Variants in PRMT1 observed in about 807,000 individuals in gnomAD.
PRMT1 encodes protein arginine methyltransferase 1.
A neutral mutation model predicts 47.4 loss-of-function variants in PRMT1; 5 were observed. That is an observed-to-expected ratio of 0.11 (90% confidence interval 0.06 to 0.22). The LOEUF is 0.22. Among genes scored for constraint, PRMT1 ranks in the 10% least tolerant of loss-of-function variants. PRMT1 has a pLI of 1.00. For missense variants in PRMT1, 249 were observed against 518.4 expected (o/e 0.48, Z 5.05); for synonymous variants, 227 against 204.6 (o/e 1.11, Z -0.94).
Position 49,685,939 on chromosome 19 carries a change from A to C in PRMT1, c.760-154A>C, listed in dbSNP as rs779335393. 17 of 1,446,226 alleles carry C rather than the reference A, an allele frequency of 1.2e-5. No individual in the cohort carries two copies. The highest frequency in any genetic ancestry group is 5.9e-5 in the South Asian group (4 of 68,288). 89.6% of individuals were successfully genotyped at this position (1,446,226 alleles called of 1,614,324 possible). A position where few individuals can be genotyped will look rare whatever the true frequency, so the allele number is the denominator to read the frequency against. The stretch of plus-strand genomic sequence containing the variant: ...ATTGGGAGCCGGATAGGCAGGATGC[A>C]GAGTGAAGGAGGAGCCGAGGCTGGG... On this transcript the variant is annotated intron_variant, in intron 8 of 10. Coordinates refer to ENST00000454376, the MANE Select transcript of PRMT1 (RefSeq NM_001536.6). The surrounding 1 kb of genome is among the most constrained non-coding windows in gnomAD (Gnocchi z 4.7).
rs1420745257 is a variant in PRMT1, at chr19:49,680,649, T to C, written c.192+61T>C. ...GGGGGCTTAAATGTTGGGGAAGGGG[T>C]GGAACCTGTTTTCCCACGCATGCGC... On this transcript the variant is annotated intron_variant, in intron 3 of 10. Coordinates refer to ENST00000454376, the MANE Select transcript of PRMT1 (RefSeq NM_001536.6). The surrounding 1 kb of genome is among the most constrained non-coding windows in gnomAD (Gnocchi z 4.2). 2 of 1,370,254 alleles carry C rather than the reference T, an allele frequency of 1.5e-6. No individual in the cohort carries two copies. Among genetic ancestry groups the C allele is most frequent in the African/African-American group, 1.4e-5 (1 of 69,932 alleles). The allele number at this position is 1,370,254 out of a possible 1,614,324, so 84.9% of individuals were successfully genotyped here. A position where few individuals can be genotyped will look rare whatever the true frequency, so the allele number is the denominator to read the frequency against.
chr19:49,683,693 A>C (rs2082158727), intron 5 of PRMT1: 3 of 431,964 alleles, frequency 6.9e-6, no homozygotes, highest in Non-Finnish European at 8.4e-6. Flanking sequence ...GTCTCAAAAA[A>C]AAAAAAAAAA....
At chr19:49,683,219 G>A (rs570136127) in intron 5 of PRMT1, among the ~76,000 whole-genome samples, 2 of 151,892 alleles carry the variant, frequency 1.3e-5, no homozygotes, top group Admixed American at 6.6e-5. Context: ...GTGCCATCCT[G>A]AAGTGATTTT....
intron 5 of PRMT1, chr19:49,683,620 G>A (rs868001882): frequency 6.1e-4 from 145 of 235,774 alleles, no homozygotes; most frequent in South Asian, 1.2e-3. Flanking sequence ...CCCGGGAGGC[G>A]GAGGTTGCAG....
chr19:49,683,008 G>A (rs1015582277), intron 5 of PRMT1, among the ~76,000 whole-genome samples: 20 of 151,548 alleles, frequency 1.3e-4, no homozygotes, highest in African/African-American at 4.9e-4. Flanking sequence ...GGATGGTCTC[G>A]ATCTCCTGAC....
chr19:49,686,340 A>G, intron 9 of PRMT1, 97 bp downstream of exon 9: 14 of 1,445,968 alleles, frequency 9.7e-6, no homozygotes, highest in Non-Finnish European at 1.3e-5. Flanking sequence ...AGAAGGAACC[A>G]TGGGGACACG....
rs906061177 is a variant in PRMT1, at chr19:49,684,914, C to T, written c.644-8C>T. 1.2e-6 allele frequency: 2 copies of T among 1,603,256 alleles called. No homozygotes were observed. The highest frequency in any genetic ancestry group is 1.7e-6 in the Non-Finnish European group (2 of 1,172,878). ...GCGGGCTCACCCCCTCCCTGCCTGC[C>T]TCCCCAGGGTGGGAGAACGTGTATG... is the stretch of plus-strand genomic sequence containing the variant. On this transcript the variant is annotated splice_polypyrimidine_tract_variant and splice_region_variant and intron_variant, in intron 7 of 10. Coordinates refer to ENST00000454376, the MANE Select transcript of PRMT1 (RefSeq NM_001536.6). The surrounding 1 kb of genome is among the most constrained non-coding windows in gnomAD (Gnocchi z 6.2).
In PRMT1 at chr19:49,685,971, T is replaced by G; in HGVS notation, c.760-122T>G. 6.7e-7 allele frequency: 1 copy of G among 1,485,712 alleles called. No homozygotes were observed. The highest frequency in any genetic ancestry group is 1.4e-5 in the South Asian group (1 of 72,956). The allele number at this position is 1,485,712 out of a possible 1,614,324, so 92.0% of individuals were successfully genotyped here. A position where few individuals can be genotyped will look rare whatever the true frequency, so the allele number is the denominator to read the frequency against. On this transcript the variant is annotated intron_variant, in intron 8 of 10. Coordinates refer to ENST00000454376, the MANE Select transcript of PRMT1 (RefSeq NM_001536.6). The surrounding 1 kb of genome is among the most constrained non-coding windows in gnomAD (Gnocchi z 4.7). ...AGGAGGAGCCGAGGCTGGGTGCCAG[T>G]GAGGGAGGGCTAGCAGGAAGGGGAC...
chr19:49,683,790 C>A, intron 5 of PRMT1, 137 bp from the exon 6 acceptor site: 1 of 939,498 alleles, frequency 1.1e-6, no homozygotes, highest in Non-Finnish European at 1.6e-6. Flanking sequence ...AATTTTAAAA[C>A]TGTTAGAAGG....
intron 9 of PRMT1, 68 bp from the exon 10 acceptor site, chr19:49,686,535 CAG>C (rs900164178): frequency 2.0e-5 from 28 of 1,405,688 alleles, no homozygotes; most frequent in East Asian, 2.7e-5. Flanking sequence ...GGCATTCCGA[CAG>C]AGGGAACGCA....
Position 49,684,964 on chromosome 19 carries a change from A to T in PRMT1, c.686A>T (p.Asp229Val). The T allele has an allele frequency of 6.2e-7, 1 of 1,604,940 alleles. No individual in the cohort carries two copies. The highest frequency in any genetic ancestry group is 8.5e-7 in the Non-Finnish European group (1 of 1,173,966). Residue 229 changes from aspartate (D) to valine (V), a missense_variant, in exon 8 of 11, where the codon GAT (aspartate) becomes GTT (valine). Around this residue, in one of 2 missense-constraint regions of PRMT1, gnomAD observed 190 missense variants for 456.7 expected, o/e 0.42. Coordinates refer to ENST00000454376, the MANE Select transcript of PRMT1 (RefSeq NM_001536.6). The surrounding 1 kb of genome is among the most constrained non-coding windows in gnomAD (Gnocchi z 6.2). ...GGCTTCGACATGTCTTGCATCAAAG[A>T]TGTGGCCATTAAGGAGCCCCTAGTG... ...VYGFDMSCIK[D>V]VAIKEPLVDV...
chr19:49,676,959 T>G, upstream of PRMT1: 6 of 298,962 alleles, frequency 2.0e-5, no homozygotes, highest in Non-Finnish European at 3.1e-5. Flanking sequence ...GTGCTGGGTG[T>G]AAAGGGGAGG....
chr19:49,683,872 G>T, intron 5 of PRMT1, 55 bp from the exon 6 acceptor site: 1 of 1,578,366 alleles, frequency 6.3e-7, no homozygotes, highest in Non-Finnish European at 8.6e-7. Flanking sequence ...CGGGGGAGGT[G>T]AGGTGAGGGG....
At chr19:49,679,524 A>T in intron 1 of PRMT1, 1 of 577,440 alleles carries the variant, frequency 1.7e-6, no homozygotes, top group Admixed American at 2.2e-5. Context: ...AATCTGGAGG[A>T]GATTAGGTGA....
Position 49,680,915 on chromosome 19 carries a change from G to T in PRMT1, c.192+327G>T, listed in dbSNP as rs1299453732. 1.3e-5 allele frequency among the ~76,000 whole-genome samples: 2 copies of T among 152,194 alleles called. No homozygotes were observed. The highest frequency in any genetic ancestry group is 4.8e-5 in the African/African-American group (2 of 41,470). ...GTGGGACTGCGCCCCGGCTGCTCCC[G>T]CCCTAACAGCTTCTGCACACTTCAG... is the stretch of plus-strand genomic sequence containing the variant. On this transcript the variant is annotated intron_variant, in intron 3 of 10. Transcript: ENST00000454376. This position sits in a 1 kb window ranked among gnomAD's most constrained non-coding sequence, Gnocchi z 4.2.
Position 49,684,882 on chromosome 19 carries a change from G to A in PRMT1, c.644-40G>A. 6.2e-7 allele frequency: 1 copy of A among 1,608,034 alleles called. No individual in the cohort carries two copies. Among genetic ancestry groups the A allele is most frequent in the Non-Finnish European group, 8.5e-7 (1 of 1,176,044 alleles). ...GAGCTGGCGGGCGGGGCCTCGGGTG[G>A]GCTGCTGCGGGCTCACCCCCTCCCT... On this transcript the variant is annotated intron_variant, in intron 7 of 10. Coordinates refer to ENST00000454376, the MANE Select transcript of PRMT1 (RefSeq NM_001536.6). The surrounding 1 kb of genome is among the most constrained non-coding windows in gnomAD (Gnocchi z 6.2).
In PRMT1 at chr19:49,681,942, T is replaced by C; in HGVS notation, c.225T>C (p.Thr75=). The C allele has an allele frequency of 1.2e-6, 2 of 1,614,130 alleles. No individual in the cohort carries two copies. Among genetic ancestry groups the C allele is most frequent in the Non-Finnish European group, 1.7e-6 (2 of 1,180,026 alleles). ...TGAAGGACGAGGTGCGCACCCTCAC[T>C]TACCGCAACTCCATGTTTCATAACC... The part of the protein sequence containing the change: ...EMLKDEVRTL[T]YRNSMFHNRH... Residue 75 remains threonine, a synonymous_variant, in exon 4 of 11, where the codon ACT becomes ACC. Coordinates refer to ENST00000454376, the MANE Select transcript of PRMT1 (RefSeq NM_001536.6). This position sits in a 1 kb window ranked among gnomAD's most constrained non-coding sequence, Gnocchi z 4.4.
At chr19:49,686,509 A>C in intron 9 of PRMT1, 96 bp from the exon 10 acceptor site, 3 of 1,237,502 alleles carry the variant, frequency 2.4e-6, no homozygotes, top group South Asian at 1.5e-5. Flanking sequence ...CAGTCCCATC[A>C]GCTGTCATGG....
Position 49,684,103 on chromosome 19 carries a change from G to A in PRMT1, c.555+34G>A, listed in dbSNP as rs1414550188. 1.2e-6 allele frequency: 2 copies of A among 1,611,808 alleles called. No individual in the cohort carries two copies. The highest frequency in any genetic ancestry group is 1.7e-6 in the Non-Finnish European group (2 of 1,178,400). ...CCAGCGGGACGGGTGCAGCTCGCGT[G>A]GGCTGGGGTCCAGGTAGAAGACGAA... On this transcript the variant is annotated intron_variant, in intron 6 of 10. Coordinates refer to ENST00000454376, the MANE Select transcript of PRMT1 (RefSeq NM_001536.6). The surrounding 1 kb of genome is among the most constrained non-coding windows in gnomAD (Gnocchi z 6.2).
Sources: allele counts gnomAD v4.1 joint callset (sites outside exome capture counted in the v4.1 genomes callset), GRCh38; gene constraint gnomAD v4.1.1; regional missense constraint gnomAD v4.1.1; non-coding constraint Gnocchi (gnomAD v3.1); transcripts MANE v1.5; gene names NCBI Gene and HGNC (gene_info 2026-07-23, HGNC 2026-07-21).